Variants in SMARCE1 observed in about 807,000 individuals in gnomAD.
SMARCE1 encodes SWI/SNF related BAF chromatin remodeling complex subunit E1.
A neutral mutation model predicts 54.9 loss-of-function variants in SMARCE1; 13 were observed. The observed-to-expected ratio is 0.24, with a 90% CI of 0.15 to 0.38. SMARCE1 has a LOEUF of 0.38. SMARCE1 is among the 10% of genes least tolerant of loss of function. SMARCE1 has a pLI of 1.00. For synonymous variants in SMARCE1, 151 were observed against 175.3 expected (o/e 0.86, Z 1.10); for missense variants, 295 against 523.8 (o/e 0.56, Z 4.26).
intron 10 of SMARCE1, 123 bp downstream of exon 10, chr17:40,630,591 T>C: frequency 1.3e-6 from 1 of 751,534 alleles, no homozygotes; most frequent in South Asian, 1.6e-5. Flanking sequence ...ATGTCAAATT[T>C]AGTACTGGGA....
At chr17:40,644,693 A>C (rs1476332474) in intron 3 of SMARCE1, 2 of 152,224 alleles carry the variant, frequency 1.3e-5, no homozygotes, top group Non-Finnish European at 2.9e-5. Context: ...AAATATGAGT[A>C]GTTTTTTAGC....
chr17:40,631,026 A>G (rs1375722506), intron 9 of SMARCE1, 102 bp from the exon 10 acceptor site: 3 of 833,372 alleles, frequency 3.6e-6, no homozygotes, highest in Middle Eastern at 2.4e-4. Flanking sequence ...AACTATATAT[A>G]TATATCTATA....
chr17:40,628,766 A>G lies in SMARCE1; in HGVS notation c.*19T>C. 6.3e-7 allele frequency: 1 copy of G among 1,589,948 alleles called. No individual in the cohort carries two copies. Among genetic ancestry groups the G allele is most frequent in the Non-Finnish European group, 8.6e-7 (1 of 1,158,856 alleles). ...TTTCATTAAAAAAAGTATTTAGAAC[A>G]CACAAAACAAGGCAACACTTATTCT... On this transcript the variant is annotated 3_prime_UTR_variant, in exon 11 of 11. Transcript: ENST00000348513.
intron 9 of SMARCE1, 192 bp downstream of exon 9, chr17:40,631,400 T>G (rs2037094259): frequency 1.9e-6 from 1 of 535,188 alleles, no homozygotes; most frequent in South Asian, 2.5e-5. Context: ...CTATGATATT[T>G]CAAATTTATT....
rs2037045207 is a variant in SMARCE1 at position 40,627,285 on chromosome 17, T to C, written c.*1500A>G. 2 of 152,210 alleles carry C rather than the reference T, an allele frequency of 1.3e-5. No individual in the cohort carries two copies. The allele number at this position is 152,210 out of a possible 1,614,324, so 9.4% of individuals were successfully genotyped here. A position where few individuals can be genotyped will look rare whatever the true frequency, so the allele number is the denominator to read the frequency against. ...CAGGAGGCTGAACACACATTCCTAG[T>C]CACTAATGTGCTATGAACTGAATAG... On this transcript the variant is annotated 3_prime_UTR_variant, in exon 11 of 11. Transcript: ENST00000348513.
intron 7 of SMARCE1, chr17:40,634,491 G>C (rs1343435752): frequency 6.6e-6 from 1 of 152,224 alleles, no homozygotes; most frequent in Non-Finnish European, 1.5e-5. Context: ...ACTTCATGCA[G>C]ATGCCACCTT....
chr17:40,637,145 G>T (rs577960569), intron 5 of SMARCE1: 120 of 237,504 alleles, frequency 5.1e-4, no homozygotes, highest in African/African-American at 2.7e-3. Flanking sequence ...CTAACATGTG[G>T]TTGCTATTAT....
At position 40,627,882 on chromosome 17, in the gene SMARCE1, C is replaced by G. The variant is rs540523189; in HGVS notation, c.*903G>C. On this transcript the variant is annotated 3_prime_UTR_variant, in exon 11 of 11. Coordinates refer to ENST00000348513, the MANE Select transcript of SMARCE1 (RefSeq NM_003079.5). ...GTTTATCAAAAAGGTGGGCTCTGGT[C>G]TATGGGATCCTGAGCCTTGAGGTTT... is the stretch of plus-strand genomic sequence containing the variant. 1 of 152,718 alleles carries G rather than the reference C, an allele frequency of 6.5e-6. No individual in the cohort carries two copies. The highest frequency in any genetic ancestry group is 1.9e-4 in the East Asian group (1 of 5,186). 9.5% of individuals were successfully genotyped at this position (152,718 alleles called of 1,614,324 possible). A position where few individuals can be genotyped will look rare whatever the true frequency, so the allele number is the denominator to read the frequency against.
chr17:40,632,493 G>C (rs890441030), intron 7 of SMARCE1, 126 bp from the exon 8 acceptor site: 11 of 726,764 alleles, frequency 1.5e-5, no homozygotes, highest in African/African-American at 1.1e-4. Context: ...CCTGCCCAGC[G>C]TCATGGGAGC....
chr17:40,632,097 A>T (rs553961033), intron 8 of SMARCE1, 98 bp downstream of exon 8: 4 of 939,386 alleles, frequency 4.3e-6, no homozygotes, highest in Non-Finnish European at 6.5e-6. Flanking sequence ...TTAGATTGAC[A>T]TATTTAACAG....
intron 9 of SMARCE1, 23 bp downstream of exon 9, chr17:40,631,569 T>G (rs1277776727): frequency 8.6e-7 from 1 of 1,156,330 alleles, no homozygotes; most frequent in Non-Finnish European, 1.3e-6. Flanking sequence ...GATAAAAGTA[T>G]AGTTAACATA....
At chr17:40,636,721 T>G in intron 5 of SMARCE1, 195 bp from the exon 6 acceptor site, 1 of 493,482 alleles carries the variant, frequency 2.0e-6, no homozygotes, top group Non-Finnish European at 3.6e-6. Flanking sequence ...CTGGATTACT[T>G]TAAGATAGAT....
At position 40,631,635 on chromosome 17, in the gene SMARCE1, T is replaced by C; in HGVS notation, c.773A>G (p.Lys258Arg). The C allele has an allele frequency of 2.5e-6, 4 of 1,610,460 alleles. No homozygotes were observed. Among genetic ancestry groups the C allele is most frequent in the Non-Finnish European group, 3.4e-6 (4 of 1,177,032 alleles). The change falls in exon 9 of 11, where the codon AAA becomes AGA. Residue 258 changes from lysine (K) to arginine (R), a missense_variant. Physicochemically the swap from Lys to Arg is conservative, Grantham distance 26. This residue lies in a region of SMARCE1 where 101 missense variants were observed against 183.1 expected (regional missense o/e 0.55). Coordinates refer to ENST00000348513, the MANE Select transcript of SMARCE1 (RefSeq NM_003079.5). ...AAATGAATCTGTGCTTTCCAGGAAT[T>C]TCCTCTTCTTCTCCTGGTGTCGTTC... is the stretch of plus-strand genomic sequence containing the variant. ...IEERHQEKKR[K>R]FLESTDSFNN...
chr17:40,640,940 C>G (rs1482701078), intron 4 of SMARCE1: 1 of 152,142 alleles, frequency 6.6e-6, no homozygotes, highest in Non-Finnish European at 1.5e-5. Flanking sequence ...AACAATCTCA[C>G]TTTTTTAACT....
At chr17:40,630,679 T>C (rs1208418038) in intron 10 of SMARCE1, 35 bp downstream of exon 10, 2 of 1,554,022 alleles carry the variant, frequency 1.3e-6, no homozygotes, top group Non-Finnish European at 1.8e-6. Context: ...TACAAAGTCT[T>C]GGCACTGCCT....
chr17:40,632,553 T>C lies in SMARCE1; in HGVS notation c.542-186A>G, dbSNP rs748531239. The C allele has an allele frequency of 7.5e-4, 412 of 547,482 alleles. 1 individual carries two copies. The highest frequency in any genetic ancestry group is 9.4e-4 in the Middle Eastern group (2 of 2,132). 33.9% of individuals were successfully genotyped at this position (547,482 alleles called of 1,614,324 possible). On this transcript the variant is annotated intron_variant, in intron 7 of 10. Coordinates refer to ENST00000348513, the MANE Select transcript of SMARCE1 (RefSeq NM_003079.5). ...CCATACAGAGGACGTAATGTGTTCATTGGCCAAGGTAGTAATTTATCTCAC... is the reference window on the plus strand; with the variant it reads ...CCATACAGAGGACGTAATGTGTTCACTGGCCAAGGTAGTAATTTATCTCAC...
At chr17:40,646,813 G>C (rs763681884) in intron 1 of SMARCE1, among the ~76,000 whole-genome samples, 1 of 152,116 alleles carries the variant, frequency 6.6e-6, no homozygotes, top group Non-Finnish European at 1.5e-5. Context: ...CTGATTTTTC[G>C]CTTCTATTAT....
chr17:40,634,620 C>T (rs940859975), intron 7 of SMARCE1: 3 of 152,216 alleles, frequency 2.0e-5, no homozygotes, highest in Admixed American at 6.5e-5. Flanking sequence ...CCTGAATTTA[C>T]TAGCAACTTT....
chr17:40,645,334 A>G (rs2037245101), intron 3 of SMARCE1: 1 of 416,184 alleles, frequency 2.4e-6, no homozygotes, highest in African/African-American at 2.1e-5. Context: ...ACAAAGAAAA[A>G]ACAAAACAAA....
Sources: gnomAD v4.1 joint callset for allele counts (sites outside exome capture counted in the v4.1 genomes callset) on GRCh38, gnomAD v4.1.1 for gene constraint, gnomAD v4.1.1 regional missense constraint, MANE v1.5 for transcripts, NCBI Gene and HGNC (gene_info 2026-07-23, HGNC 2026-07-21) for gene names.